Variants in CNTN4 observed in about 807,000 individuals in gnomAD.
CNTN4 encodes the protein contactin 4, also known as contactin-4.
CNTN4 carries 77 observed loss-of-function variants against 122.5 expected under a neutral mutation model. The ratio of observed to expected loss-of-function variants is 0.63; its 90% confidence interval spans 0.52 to 0.76. The LOEUF (loss-of-function observed/expected upper bound fraction) is 0.76. CNTN4 is among the 30% of genes least tolerant of loss of function. The probability of loss-of-function intolerance (pLI) is 0.00; values close to 1 mark genes in which losing one functional copy is unlikely to be tolerated. For synonymous variants in CNTN4, 512 were observed against 447.0 expected (o/e 1.15, Z -1.83); for missense variants, 1,256 against 1,259.1 (o/e 1.00, Z 0.04).
chr3:2,496,924 C>A (rs748799146), intron 3 of CNTN4, among the ~76,000 whole-genome samples: 1 of 152,152 alleles, frequency 6.6e-6, no homozygotes, highest in Admixed American at 6.5e-5. Context: ...GCTTGAGAAT[C>A]TGGAGCTCTG....
intron 2 of CNTN4, among the ~76,000 whole-genome samples, chr3:2,171,819 T>C (rs1337251496): frequency 6.6e-6 from 1 of 152,236 alleles, no homozygotes; most frequent in Non-Finnish European, 1.5e-5. Flanking sequence ...TGTACTGGGC[T>C]CTTGGTGTGT....
Position 2,568,337 on chromosome 3 carries a change from AAAAC to A in CNTN4, c.-88-3078_-88-3075del, listed in dbSNP as rs1240419080. Among the ~76,000 whole-genome samples, 15 of 151,356 alleles carry A rather than the reference AAAAC, an allele frequency of 9.9e-5. No homozygotes were observed. The South Asian group carries it at 2.5e-3, about 25-fold the overall frequency. On this transcript the variant is annotated intron_variant, in intron 3 of 24. Coordinates refer to ENST00000418658, the MANE Select transcript of CNTN4 (RefSeq NM_175607.3). ...AATGTGAAAAAAAAAAAAAAAAAAAAAAACCACCCTGTACAATTCTCAGTTATTC... is the reference window on the plus strand; with the variant it reads ...AATGTGAAAAAAAAAAAAAAAAAAAACACCCTGTACAATTCTCAGTTATTC...
At chr3:2,537,593 A>C (rs2077861434) in intron 3 of CNTN4, among the ~76,000 whole-genome samples, 3 of 152,104 alleles carry the variant, frequency 2.0e-5, no homozygotes, top group Admixed American at 1.3e-4. Context: ...CTTGGAGCAG[A>C]GTAAGACACT....
chr3:2,420,523 C>T (rs1045857926), intron 3 of CNTN4, among the ~76,000 whole-genome samples: 2 of 152,042 alleles, frequency 1.3e-5, no homozygotes, highest in Non-Finnish European at 2.9e-5. Flanking sequence ...GCAACCTCTG[C>T]CTCCCAGGTT....
At chr3:2,789,505 T>C (rs1421715893) in intron 6 of CNTN4, among the ~76,000 whole-genome samples, 1 of 152,232 alleles carries the variant, frequency 6.6e-6, no homozygotes, top group African/African-American at 2.4e-5. Flanking sequence ...TGATATCAGC[T>C]CACTGCAACC....
chr3:2,765,461 A>T (rs1333567746), intron 6 of CNTN4, among the ~76,000 whole-genome samples: 1 of 152,236 alleles, frequency 6.6e-6, no homozygotes, highest in African/African-American at 2.4e-5. Context: ...ATTAGAAAAC[A>T]TATGTGAAGT....
chr3:2,421,728 C>T (rs1246523950), intron 3 of CNTN4, among the ~76,000 whole-genome samples: 1 of 152,146 alleles, frequency 6.6e-6, no homozygotes. Flanking sequence ...ACACCAAGAC[C>T]ATTTGTAATA....
intron 14 of CNTN4, among the ~76,000 whole-genome samples, chr3:3,001,049 G>A (rs1435083650): frequency 6.6e-6 from 1 of 152,086 alleles, no homozygotes; most frequent in Admixed American, 6.5e-5. Flanking sequence ...GTTGGGATTT[G>A]AAGGGGTTCA....
chr3:2,833,948 T>C (rs967326534), intron 7 of CNTN4, among the ~76,000 whole-genome samples: 1 of 152,104 alleles, frequency 6.6e-6, no homozygotes, highest in African/African-American at 2.4e-5. Flanking sequence ...GAGACCATCC[T>C]GGCTAACACG....
intron 4 of CNTN4, among the ~76,000 whole-genome samples, chr3:2,660,270 TAG>T (rs1041764928): frequency 7.9e-5 from 12 of 151,774 alleles, no homozygotes; most frequent in Non-Finnish European, 1.8e-4. Flanking sequence ...AAAAAAGAAA[TAG>T]AGTTATGAGT....
At position 2,693,151 on chromosome 3, in the gene CNTN4, A is replaced by G. The variant is rs74440672; in HGVS notation, c.56-43064A>G. ...TTCCTAAATACCTAGTCTGCCTATC[A>G]TTAATTAGTATTTGATATTTGGTTT... On this transcript the variant is annotated intron_variant, in intron 4 of 24. Coordinates refer to ENST00000418658, the MANE Select transcript of CNTN4 (RefSeq NM_175607.3). 8.3e-3 allele frequency among the ~76,000 whole-genome samples: 1,267 copies of G among 152,302 alleles called. 18 individuals carry two copies. Among genetic ancestry groups the G allele is most frequent in the African/African-American group, 0.029 (1,214 of 41,562 alleles).
chr3:2,583,097 A>AT (rs1331017798), intron 4 of CNTN4, among the ~76,000 whole-genome samples: 1 of 152,202 alleles, frequency 6.6e-6, no homozygotes, highest in African/African-American at 2.4e-5. Flanking sequence ...CCAGAAAAAA[A>AT]CTAACAAAAC....
chr3:3,013,114 A>G (rs1167776920), intron 14 of CNTN4, among the ~76,000 whole-genome samples: 1 of 152,090 alleles, frequency 6.6e-6, no homozygotes, highest in Non-Finnish European at 1.5e-5. Context: ...AGTATCTCAT[A>G]CTCTGTAGCT....
chr3:2,866,974 A>AT (rs1559598184), intron 8 of CNTN4, 25 bp downstream of exon 8: 1 of 1,599,576 alleles, frequency 6.3e-7, no homozygotes, highest in South Asian at 1.1e-5. Context: ...AATTTTGTTA[A>AT]TTTTGTTTCT....
At chr3:2,543,396 C>T (rs979378551) in intron 3 of CNTN4, among the ~76,000 whole-genome samples, 3 of 152,074 alleles carry the variant, frequency 2.0e-5, no homozygotes, top group Non-Finnish European at 4.4e-5. Flanking sequence ...TTGTGGGAGT[C>T]TAAGTGTAGT....
chr3:2,576,030 T>C (rs1166017424), intron 4 of CNTN4, among the ~76,000 whole-genome samples: 1 of 151,950 alleles, frequency 6.6e-6, no homozygotes, highest in Non-Finnish European at 1.5e-5. Flanking sequence ...AGAGACGGGG[T>C]TTCACCATGT....
intron 7 of CNTN4, among the ~76,000 whole-genome samples, chr3:2,832,331 G>A (rs947809547): frequency 8.5e-5 from 13 of 152,200 alleles, no homozygotes; most frequent in Non-Finnish European, 1.6e-4. Context: ...AAAACAAAAT[G>A]TTTTCTCCTG....
chr3:2,467,318 G>C (rs966310589), intron 3 of CNTN4, among the ~76,000 whole-genome samples: 1 of 152,114 alleles, frequency 6.6e-6, no homozygotes, highest in Non-Finnish European at 1.5e-5. Flanking sequence ...TGGCCTCTCA[G>C]TGCAAGGACT....
chr3:2,444,858 CAG>C lies in CNTN4; in HGVS notation c.-89+105628_-89+105629del, dbSNP rs1299400052. Among the ~76,000 whole-genome samples, 11 of 152,074 alleles carry C rather than the reference CAG, an allele frequency of 7.2e-5. No homozygotes were observed. The East Asian group carries it at 2.1e-3, about 29-fold the overall frequency. ...TTTTGTTGGTTTGCTTTGTTGCTAT[CAG>C]AGTTACACATATTGTTATTGGTATT... On this transcript the variant is annotated intron_variant, in intron 3 of 24. Coordinates refer to ENST00000418658, the MANE Select transcript of CNTN4 (RefSeq NM_175607.3).
Sources: allele counts gnomAD v4.1 joint callset (sites outside exome capture counted in the v4.1 genomes callset), GRCh38; gene constraint gnomAD v4.1.1; transcripts MANE v1.5; gene names NCBI Gene and HGNC (gene_info 2026-07-23, HGNC 2026-07-21).